Variants in DDX60L observed in about 807,000 individuals in gnomAD.
The protein encoded by DDX60L is DExD/H-box 60 like, also known as probable ATP-dependent RNA helicase DDX60-like.
DDX60L carries 191 observed loss-of-function variants against 211.6 expected under a neutral mutation model. The observed-to-expected ratio is 0.90, with a 90% confidence interval of 0.80 to 1.02. The LOEUF is 1.02. DDX60L is among the 50% of genes least tolerant of loss of function. DDX60L has a pLI of 0.00. For synonymous variants in DDX60L, 706 were observed against 694.1 expected (o/e 1.02, Z -0.27); for missense variants, 2,007 against 1,984.1 (o/e 1.01, Z -0.22).
chr4:168,440,556 C>G (rs185059163), intron 10 of DDX60L, among the ~76,000 whole-genome samples: 3 of 152,266 alleles, frequency 2.0e-5, no homozygotes, highest in African/African-American at 7.2e-5. Flanking sequence ...ATCTCAGCTC[C>G]TTGGGGAATT....
At chr4:168,380,813 G>T (rs1394029700) in intron 30 of DDX60L, 1 of 152,188 alleles carries the variant, frequency 6.6e-6, no homozygotes, top group Admixed American at 6.5e-5. Flanking sequence ...TTGTTAAACT[G>T]TTGTGATCAA....
At chr4:168,435,350 A>G (rs1265026684) in intron 10 of DDX60L, among the ~76,000 whole-genome samples, 1 of 152,230 alleles carries the variant, frequency 6.6e-6, no homozygotes, top group Non-Finnish European at 1.5e-5. Context: ...GTAATACTGC[A>G]TTCCTGGAGG....
At chr4:168,416,852 A>C in intron 19 of DDX60L, 55 bp from the exon 20 acceptor site, 4 of 988,200 alleles carry the variant, frequency 4.0e-6, no homozygotes, top group Non-Finnish European at 6.1e-6. Context: ...GTAAATAAAA[A>C]ATAGAAGCAT....
chr4:168,472,618 C>T (rs1419635487), intron 2 of DDX60L, 78 bp downstream of exon 2: 4 of 1,589,412 alleles, frequency 2.5e-6, no homozygotes, highest in African/African-American at 2.7e-5. Context: ...CATCCAATTA[C>T]TTTGTAACAT....
intron 19 of DDX60L, among the ~76,000 whole-genome samples, chr4:168,418,537 A>G (rs1431449813): frequency 8.5e-5 from 13 of 152,234 alleles, no homozygotes; most frequent in Admixed American, 8.5e-4. Context: ...AAGGAAACAG[A>G]CTACTTTCAG....
At chr4:168,426,030 T>C (rs1751396494) in intron 14 of DDX60L, among the ~76,000 whole-genome samples, 2 of 152,196 alleles carry the variant, frequency 1.3e-5, no homozygotes, top group African/African-American at 4.8e-5. Flanking sequence ...CTTAGAATGC[T>C]AGGCAGGCAG....
chr4:168,451,898 TAC>T (rs1755857134), intron 8 of DDX60L, among the ~76,000 whole-genome samples: 1 of 152,174 alleles, frequency 6.6e-6, no homozygotes, highest in African/African-American at 2.4e-5. Context: ...CCCCACTAAC[TAC>T]TACTCATCCT....
intron 36 of DDX60L, among the ~76,000 whole-genome samples, chr4:168,367,667 C>T (rs897432588): frequency 2.0e-5 from 3 of 152,108 alleles, no homozygotes; most frequent in African/African-American, 4.8e-5. Context: ...GATAGGAAAA[C>T]GTGGGAAAGT....
At chr4:168,461,619 T>C in intron 5 of DDX60L, 80 bp downstream of exon 5, 2 of 1,018,076 alleles carry the variant, frequency 2.0e-6, no homozygotes, top group Non-Finnish European at 2.8e-6. Flanking sequence ...CCATTAAAAA[T>C]ACAGAAAGAA....
chr4:168,362,359 C>T (rs977180398), intron 36 of DDX60L, among the ~76,000 whole-genome samples: 16 of 152,166 alleles, frequency 1.1e-4, no homozygotes, highest in African/African-American at 4.8e-5. Flanking sequence ...CACAGCTGGC[C>T]AGCCCACATA....
At chr4:168,386,568 T>A (rs542644039) in intron 29 of DDX60L, among the ~76,000 whole-genome samples, 2 of 112,056 alleles carry the variant, frequency 1.8e-5, no homozygotes, top group African/African-American at 5.9e-5. Flanking sequence ...ACTTCTAATA[T>A]GATGTTGAAA....
chr4:168,412,215 G>A (rs1446212738), intron 22 of DDX60L, among the ~76,000 whole-genome samples: 1 of 151,838 alleles, frequency 6.6e-6, no homozygotes, highest in Non-Finnish European at 1.5e-5. Flanking sequence ...AGAGGGAAGA[G>A]TAAATGGGAC....
At chr4:168,413,943 T>C (rs1400384963) in intron 22 of DDX60L, among the ~76,000 whole-genome samples, 1 of 152,026 alleles carries the variant, frequency 6.6e-6, no homozygotes, top group East Asian at 1.9e-4. Context: ...TTAATAATCA[T>C]ACTCCCAAAG....
chr4:168,435,007 G>C (rs561895295), intron 10 of DDX60L, among the ~76,000 whole-genome samples: 2 of 152,234 alleles, frequency 1.3e-5, no homozygotes, highest in South Asian at 2.1e-4. Flanking sequence ...ACTGGAGAAG[G>C]GGAAATCATC....
At chr4:168,408,760 A>T (rs553176523) in intron 22 of DDX60L, among the ~76,000 whole-genome samples, 3 of 152,318 alleles carry the variant, frequency 2.0e-5, no homozygotes, top group South Asian at 4.1e-4. Flanking sequence ...CTGTTCTTTT[A>T]CGGCAGCATA....
chr4:168,379,847 C>T lies in DDX60L; in HGVS notation c.4117-17G>A, dbSNP rs1560950472. On this transcript the variant is annotated splice_polypyrimidine_tract_variant and intron_variant, in intron 30 of 37. Transcript: ENST00000682922. Reference sequence around the variant, plus strand: ...TGACAACACCTATAAAAGAAGAGTACTTTAATTTATCTAGTTTTAAACAGT... The same window carrying T: ...TGACAACACCTATAAAAGAAGAGTATTTTAATTTATCTAGTTTTAAACAGT... 3.2e-6 allele frequency: 5 copies of T among 1,554,988 alleles called. No individual in the cohort carries two copies. Among genetic ancestry groups the T allele is most frequent in the Non-Finnish European group, 1.8e-6 (2 of 1,133,904 alleles).
At chr4:168,441,312 C>T in intron 10 of DDX60L, 25 bp downstream of exon 10, 1 of 1,552,390 alleles carries the variant, frequency 6.4e-7, no homozygotes, top group Admixed American at 2.0e-5. Context: ...TGCTTTTGTT[C>T]CACTTTAATT....
intron 30 of DDX60L, among the ~76,000 whole-genome samples, chr4:168,382,480 T>C (rs1484345926): frequency 6.6e-6 from 1 of 152,048 alleles, no homozygotes; most frequent in Non-Finnish European, 1.5e-5. Flanking sequence ...ACAGGTTATT[T>C]TATATTTAAA....
intron 1 of DDX60L, among the ~76,000 whole-genome samples, chr4:168,479,971 G>A (rs1341505164): frequency 8.8e-6 from 1 of 113,712 alleles, no homozygotes; most frequent in Non-Finnish European, 1.7e-5. Flanking sequence ...GCGACAGAGC[G>A]AGACTGACTC....
Sources: allele counts gnomAD v4.1 joint callset (sites outside exome capture counted in the v4.1 genomes callset), GRCh38; gene constraint gnomAD v4.1.1; transcripts MANE v1.5; gene names NCBI Gene and HGNC (gene_info 2026-07-23, HGNC 2026-07-21).